The following ABTB3 variants were observed in gnomAD, a reference collection of about 807,000 sequenced individuals.
ABTB3 encodes ankyrin repeat- and BTB/POZ domain-containing protein 3.
the ABTB3 span, among the ~76,000 whole-genome samples, chr12:107,597,792 C>T: frequency 6.6e-6 from 1 of 152,198 alleles, no homozygotes; most frequent in East Asian, 1.9e-4. Context: ...TCCACAAGAT[C>T]TTTAGAGGAC....
chr12:107,565,478 G>A, the ABTB3 span, among the ~76,000 whole-genome samples: 12 of 152,066 alleles, frequency 7.9e-5, no homozygotes, highest in Admixed American at 7.2e-4. Flanking sequence ...ACTCTTTAGG[G>A]GAGAGAAGCA....
chr12:107,454,694 G>C, the ABTB3 span, among the ~76,000 whole-genome samples: 2 of 152,128 alleles, frequency 1.3e-5, no homozygotes, highest in African/African-American at 4.8e-5. Context: ...GTCCTTCCTG[G>C]GCAGCAGCAG....
At chr12:107,552,018 C>T in the ABTB3 span, among the ~76,000 whole-genome samples, 2 of 152,212 alleles carry the variant, frequency 1.3e-5, no homozygotes, top group Non-Finnish European at 2.9e-5. Context: ...TCCCAAAGTG[C>T]TGGGATTACA....
At chr12:107,594,720 G>T in the ABTB3 span, among the ~76,000 whole-genome samples, 1 of 152,086 alleles carries the variant, frequency 6.6e-6, no homozygotes, top group African/African-American at 2.4e-5. Context: ...GAGGAGGGGG[G>T]CCAGTATCCG....
At chr12:107,483,190 A>G in the ABTB3 span, among the ~76,000 whole-genome samples, 1 of 151,594 alleles carries the variant, frequency 6.6e-6, no homozygotes, top group Non-Finnish European at 1.5e-5. Context: ...ATCACGCCCC[A>G]CTAATTTTGA....
At chr12:107,459,452 C>T in the ABTB3 span, among the ~76,000 whole-genome samples, 2 of 152,156 alleles carry the variant, frequency 1.3e-5, no homozygotes, top group Non-Finnish European at 2.9e-5. Context: ...TCTACAGAGA[C>T]AGGCCATAAA....
the ABTB3 span, among the ~76,000 whole-genome samples, chr12:107,593,386 T>G: frequency 4.7e-4 from 71 of 152,290 alleles, no homozygotes; most frequent in South Asian, 1.5e-3. Flanking sequence ...AGGAGTGCAT[T>G]TGGGGATTGG....
the ABTB3 span, among the ~76,000 whole-genome samples, chr12:107,583,200 A>G: frequency 1.3e-5 from 2 of 152,222 alleles, no homozygotes; most frequent in Admixed American, 1.3e-4. Flanking sequence ...GTATCCATTC[A>G]AACAATGCCT....
the ABTB3 span, among the ~76,000 whole-genome samples, chr12:107,584,903 G>T: frequency 3.9e-5 from 6 of 152,170 alleles, no homozygotes; most frequent in Admixed American, 3.9e-4. Flanking sequence ...GCTCACAGTG[G>T]TGACCCATTT....
At chr12:107,577,492 A>G in the ABTB3 span, among the ~76,000 whole-genome samples, 2 of 151,900 alleles carry the variant, frequency 1.3e-5, no homozygotes, top group African/African-American at 4.8e-5. Context: ...TCTCTTCACC[A>G]TTTCAGAGAA....
At chr12:107,575,912 G>A in the ABTB3 span, among the ~76,000 whole-genome samples, 26 of 152,168 alleles carry the variant, frequency 1.7e-4, no homozygotes, top group African/African-American at 1.2e-4. Flanking sequence ...TGAGGTGGGT[G>A]CTATTATTAT....
chr12:107,340,601 G>A, the ABTB3 span, among the ~76,000 whole-genome samples: 71 of 149,940 alleles, frequency 4.7e-4, no homozygotes, highest in Non-Finnish European at 1.6e-4. Flanking sequence ...GTGACTCCTC[G>A]TTTTTTTTTC....
chr12:107,494,460 A>G, the ABTB3 span, among the ~76,000 whole-genome samples: 6 of 152,184 alleles, frequency 3.9e-5, no homozygotes, highest in Admixed American at 2.0e-4. Flanking sequence ...TGAGCTGACC[A>G]AAGGCCAGGG....
the ABTB3 span, among the ~76,000 whole-genome samples, chr12:107,407,135 G>A: frequency 3.9e-5 from 6 of 152,090 alleles, no homozygotes; most frequent in Non-Finnish European, 8.8e-5. Flanking sequence ...GTATGACCTC[G>A]GGCAAGTCAC....
At chr12:107,379,336 G>A in the ABTB3 span, among the ~76,000 whole-genome samples, 1 of 152,060 alleles carries the variant, frequency 6.6e-6, no homozygotes, top group Non-Finnish European at 1.5e-5. Context: ...ACGTGTCATG[G>A]GAGGGACCTG....
chr12:107,440,334 C>T, the ABTB3 span, among the ~76,000 whole-genome samples: 6 of 152,232 alleles, frequency 3.9e-5, no homozygotes, highest in Non-Finnish European at 7.3e-5. Flanking sequence ...ACCCCAAGCT[C>T]ACGCCGACTT....
chr12:107,369,707 G>GTTTTTTTTTT, the ABTB3 span, among the ~76,000 whole-genome samples: 1 of 76,146 alleles, frequency 1.3e-5, no homozygotes, highest in African/African-American at 6.7e-5. Flanking sequence ...CCCAAACATG[G>GTTTTTTTTTT]TTTTTTTTTT....
the ABTB3 span, among the ~76,000 whole-genome samples, chr12:107,442,056 G>A: frequency 1.3e-5 from 2 of 152,114 alleles, no homozygotes; most frequent in Non-Finnish European, 2.9e-5. Context: ...AGTCTGGCAC[G>A]CAGCCCTGGA....
chr12:107,652,688 G>A, the ABTB3 span, among the ~76,000 whole-genome samples: 1 of 152,182 alleles, frequency 6.6e-6, no homozygotes, highest in African/African-American at 2.4e-5. Context: ...AGCTGCTAGA[G>A]TGACATCAGC....
Sources: gnomAD v4.1 joint callset for allele counts (sites outside exome capture counted in the v4.1 genomes callset) on GRCh38, gnomAD v4.1.1 for gene constraint, MANE v1.5 for transcripts, NCBI Gene and HGNC (gene_info 2026-07-23, HGNC 2026-07-21) for gene names.